Variants in ALPL observed in about 807,000 individuals in gnomAD.
The protein encoded by ALPL is alkaline phosphatase, tissue-nonspecific isozyme.
In ALPL, 42 loss-of-function variants were observed where a neutral mutation model predicts 51.3. That is an observed-to-expected ratio of 0.82 (90% CI 0.64 to 1.06). The LOEUF (loss-of-function observed/expected upper bound fraction) is 1.06. ALPL is among the 50% of genes least tolerant of loss of function. ALPL has a pLI of 0.00. For synonymous variants in ALPL, 279 were observed against 296.4 expected (o/e 0.94, Z 0.60); for missense variants, 589 against 709.4 (o/e 0.83, Z 1.93).
chr1:21,538,659 T>C (rs1182074103), intron 1 of ALPL, among the ~76,000 whole-genome samples: 4 of 152,154 alleles, frequency 2.6e-5, no homozygotes, highest in Non-Finnish European at 4.4e-5. Flanking sequence ...AGAGCCGGGA[T>C]TGGCCAATGC....
intron 6 of ALPL, among the ~76,000 whole-genome samples, chr1:21,565,620 GGGGGCCGCA>G (rs1380369930): frequency 2.6e-5 from 4 of 152,032 alleles, no homozygotes; most frequent in African/African-American, 9.6e-5. Context: ...GATGAGGAGG[GGGGGCCGCA>G]GGGGCCACGT....
rs997157266 is a variant in ALPL, at chr1:21,564,696, C to G, written c.648+480C>G. The stretch of plus-strand genomic sequence containing the variant: ...GTTCCAGACCTTGCCCTGCGTGTTG[C>G]TAGCTGTGTGACCTTGGGTCAGTTA... On this transcript the variant is annotated intron_variant, in intron 6 of 11. Coordinates refer to ENST00000374840, the MANE Select transcript of ALPL (RefSeq NM_000478.6). This position sits in a 1 kb window ranked among gnomAD's most constrained non-coding sequence, Gnocchi z 5.8. Among the ~76,000 whole-genome samples the G allele has an allele frequency of 6.6e-6, 1 of 152,246 alleles. No homozygotes were observed. Among genetic ancestry groups the G allele is most frequent in the African/African-American group, 2.4e-5 (1 of 41,456 alleles).
At chr1:21,552,106 T>TCC (rs1558542016) in intron 1 of ALPL, among the ~76,000 whole-genome samples, 10 of 33,786 alleles carry the variant, frequency 3.0e-4, no homozygotes, top group South Asian at 1.2e-3. Flanking sequence ...CCCTTCCCTT[T>TCC]CCTCCCCTTC....
At chr1:21,554,584 G>T (rs1157212609) in intron 2 of ALPL, among the ~76,000 whole-genome samples, 1 of 150,544 alleles carries the variant, frequency 6.6e-6, no homozygotes, top group Non-Finnish European at 1.5e-5. Flanking sequence ...TCTGCCTCCT[G>T]GGTTCACGCC....
In ALPL at chr1:21,577,489, C is replaced by T. The variant is rs369433931; in HGVS notation, c.1416C>T (p.His472=). The change falls in exon 12 of 12, where the codon CAC becomes CAT. Residue 472 remains histidine, a synonymous_variant. Coordinates refer to ENST00000374840, the MANE Select transcript of ALPL (RefSeq NM_000478.6). ...FSKGPMAHLL[H]GVHEQNYVPH... ...AGGGCCCCATGGCGCACCTGCTGCA[C>T]GGCGTCCACGAGCAGAACTACGTCC... is the stretch of plus-strand genomic sequence containing the variant. 2.9e-5 allele frequency: 46 copies of T among 1,609,376 alleles called. No individual in the cohort carries two copies. In the East Asian group the frequency reaches 3.3e-4, roughly 12 times the overall value.
chr1:21,509,307 G>A (rs1421933980), upstream of ALPL: 3 of 148,460 alleles, frequency 2.0e-5, no homozygotes, highest in African/African-American at 4.9e-5. This position sits in a 1 kb window ranked among gnomAD's most constrained non-coding sequence, Gnocchi z 6.0. Context: ...GCCGGGGGCG[G>A]GGCCGGGGCC....
intron 4 of ALPL, among the ~76,000 whole-genome samples, chr1:21,562,081 T>C (rs1644493341): frequency 6.6e-6 from 1 of 152,234 alleles, no homozygotes; most frequent in Admixed American, 6.5e-5. Flanking sequence ...TCCAGGCCAC[T>C]GTAATAAAGC....
intron 1 of ALPL, among the ~76,000 whole-genome samples, chr1:21,527,028 C>CTTTTCTTTTCTTTTCTTTTCTT (rs1643954953): frequency 6.7e-6 from 1 of 150,146 alleles, no homozygotes; most frequent in Non-Finnish European, 1.5e-5. Context: ...CTTTTCTTTT[C>CTTTTCTTTTCTTTTCTTTTCTT]TTTTCTTTTC....
At chr1:21,572,586 G>A (rs1303018183) in intron 8 of ALPL, among the ~76,000 whole-genome samples, 1 of 152,162 alleles carries the variant, frequency 6.6e-6, no homozygotes, top group Non-Finnish European at 1.5e-5. Context: ...CATCTTGGAG[G>A]CTGGCTTTTG....
chr1:21,563,546 G>A (rs368760658), intron 5 of ALPL, among the ~76,000 whole-genome samples: 3 of 152,174 alleles, frequency 2.0e-5, no homozygotes, highest in Admixed American at 6.5e-5. Flanking sequence ...GGGTGGGAAC[G>A]TAGCCCCCTC....
chr1:21,544,750 A>G (rs1644231399), intron 1 of ALPL, among the ~76,000 whole-genome samples: 1 of 151,612 alleles, frequency 6.6e-6, no homozygotes, highest in Non-Finnish European at 1.5e-5. Flanking sequence ...TCTCAAAACA[A>G]AAACAAAATT....
In ALPL at chr1:21,532,323, C is replaced by T. The variant is rs567376612; in HGVS notation, c.-104-21655C>T. 2.0e-5 allele frequency among the ~76,000 whole-genome samples: 3 copies of T among 152,246 alleles called. No individual in the cohort carries two copies. In the East Asian group the frequency reaches 5.8e-4, roughly 29 times the overall value. ...TCTCCCACCTGAGCCTCCCGAGTAGCTGGGATTACAGGCACCTGCCATCAT... is the reference window on the plus strand; with the variant it reads ...TCTCCCACCTGAGCCTCCCGAGTAGTTGGGATTACAGGCACCTGCCATCAT... On this transcript the variant is annotated intron_variant, in intron 1 of 11. Coordinates refer to ENST00000374840, the MANE Select transcript of ALPL (RefSeq NM_000478.6).
intron 1 of ALPL, among the ~76,000 whole-genome samples, chr1:21,552,140 CCCTCCCT>C (rs1644339060): frequency 9.4e-6 from 1 of 105,958 alleles, no homozygotes; most frequent in Non-Finnish European, 1.9e-5. Flanking sequence ...CCCTCCCCTC[CCCTCCCT>C]CCTTCCTTTT....
intron 2 of ALPL, among the ~76,000 whole-genome samples, chr1:21,558,148 G>A (rs1370292190): frequency 1.3e-5 from 2 of 152,222 alleles, no homozygotes; most frequent in Non-Finnish European, 2.9e-5. Flanking sequence ...GGCCCTGGGT[G>A]GCTCTGGTGA....
chr1:21,558,811 C>T (rs1644446412), intron 2 of ALPL, among the ~76,000 whole-genome samples: 1 of 152,214 alleles, frequency 6.6e-6, no homozygotes, highest in South Asian at 2.1e-4. Context: ...TGCACTGCAG[C>T]ACCCTGGCGG....
chr1:21,547,221 G>C (rs1431565735), intron 1 of ALPL, among the ~76,000 whole-genome samples: 2 of 152,208 alleles, frequency 1.3e-5, no homozygotes, highest in Non-Finnish European at 2.9e-5. Flanking sequence ...AAATGGGAGA[G>C]AGGAGCTTCG....
At chr1:21,560,069 A>G (rs1034763601) in intron 2 of ALPL, among the ~76,000 whole-genome samples, 3 of 152,264 alleles carry the variant, frequency 2.0e-5, no homozygotes, top group Non-Finnish European at 4.4e-5. Context: ...AATTTGACAT[A>G]TTAAGCAAAA....
chr1:21,561,126 C>G lies in ALPL; in HGVS notation c.211C>G (p.Arg71Gly). 6.2e-7 allele frequency: 1 copy of G among 1,612,886 alleles called. No homozygotes were observed. The highest frequency in any genetic ancestry group is 8.5e-7 in the Non-Finnish European group (1 of 1,179,632). The change falls in exon 4 of 12, where the codon CGC (arginine) becomes GGC (glycine). Residue 71 changes from arginine (R) to glycine (G), a missense_variant. By Grantham distance (125) the Arg-to-Gly change is moderately radical (BLOSUM62 -2). Transcript: ENST00000374840. ...GGGTGTCTCCACAGTGACGGCTGCC[C>G]GCATCCTCAAGGGTCAGCTCCACCA... Reference protein sequence around the residue: ...GMGVSTVTAARILKGQLHHNP... With the variant: ...GMGVSTVTAAGILKGQLHHNP...
chr1:21,576,207 T>TGGATGGATGGATGGATGGATG, intron 10 of ALPL, among the ~76,000 whole-genome samples: 2 of 149,002 alleles, frequency 1.3e-5, no homozygotes, highest in Non-Finnish European at 3.0e-5. Context: ...GCTGGCTGGA[T>TGGATGGATGGATGGATGGATG]GATGGATGGA....
Sources: allele counts gnomAD v4.1 joint callset (sites outside exome capture counted in the v4.1 genomes callset), GRCh38; gene constraint gnomAD v4.1.1; non-coding constraint Gnocchi (gnomAD v3.1); transcripts MANE v1.5; gene names NCBI Gene and HGNC (gene_info 2026-07-23, HGNC 2026-07-21).